CCNY: variants seen among roughly 807,000 people sequenced by gnomAD.
CCNY encodes cyclin Y.
Under a neutral mutation model 42.8 loss-of-function variants are expected in CCNY, and 19 were observed. That is an observed-to-expected ratio of 0.44 (90% CI 0.31 to 0.65). The LOEUF (loss-of-function observed/expected upper bound fraction) is 0.65. Among genes scored for constraint, CCNY ranks in the 30% least tolerant of loss-of-function variants. The probability of loss-of-function intolerance (pLI) is 0.07; values close to 1 mark genes in which losing one functional copy is unlikely to be tolerated. For missense variants in CCNY, 370 were observed against 437.3 expected (o/e 0.85, Z 1.37); for synonymous variants, 165 against 162.7 (o/e 1.01, Z -0.11).
At chr10:35,391,451 A>G (rs529482718) in intron 1 of CCNY, among the ~76,000 whole-genome samples, 37 of 152,300 alleles carry the variant, frequency 2.4e-4, no homozygotes, top group African/African-American at 8.2e-4. Flanking sequence ...GACAGAGCAG[A>G]TGACCAGGGG....
Position 35,384,551 on chromosome 10 carries a change from A to T in CCNY, c.154+47344A>T, listed in dbSNP as rs539422551. 5.3e-5 allele frequency among the ~76,000 whole-genome samples: 8 copies of T among 152,296 alleles called. No individual in the cohort carries two copies. In the South Asian group the frequency reaches 1.2e-3, roughly 24 times the overall value. On this transcript the variant is annotated intron_variant, in intron 1 of 9. Coordinates refer to ENST00000374704, the MANE Select transcript of CCNY (RefSeq NM_145012.6). ...TTTCAGCTTAATATTTCTCCTTTTGACATATTGAATTGGAGTCCCAAGTTT... is the reference window on the plus strand; with the variant it reads ...TTTCAGCTTAATATTTCTCCTTTTGTCATATTGAATTGGAGTCCCAAGTTT...
intron 1 of CCNY, among the ~76,000 whole-genome samples, chr10:35,378,972 A>G (rs1428095198): frequency 6.6e-6 from 1 of 152,038 alleles, no homozygotes; most frequent in Non-Finnish European, 1.5e-5. Context: ...GTCAAGGGAG[A>G]CATTGGTGGA....
intron 3 of CCNY, among the ~76,000 whole-genome samples, chr10:35,259,904 T>C (rs1008271572): frequency 1.3e-5 from 2 of 151,756 alleles, no homozygotes; most frequent in Non-Finnish European, 2.9e-5. Context: ...TTTTTTTTTT[T>C]TTAAAGGGAC....
chr10:35,444,705 G>A (rs550019131), intron 1 of CCNY, among the ~76,000 whole-genome samples: 2 of 152,328 alleles, frequency 1.3e-5, no homozygotes, highest in East Asian at 3.9e-4. Context: ...GCAGTCTGTT[G>A]ACCAAAACGT....
At chr10:35,559,003 A>G (rs746355887) in intron 8 of CCNY, among the ~76,000 whole-genome samples, 5 of 152,204 alleles carry the variant, frequency 3.3e-5, no homozygotes, top group Non-Finnish European at 5.9e-5. Context: ...TTTGAGGTGC[A>G]TATTAGAAAA....
intron 1 of CCNY, among the ~76,000 whole-genome samples, chr10:35,377,117 G>A (rs552516440): frequency 6.6e-5 from 10 of 152,240 alleles, no homozygotes; most frequent in Admixed American, 5.9e-4. Context: ...AATTCCTATC[G>A]CTGAGTGTTG....
chr10:35,483,004 T>C (rs775997625), intron 1 of CCNY, among the ~76,000 whole-genome samples: 6 of 152,172 alleles, frequency 3.9e-5, no homozygotes, highest in Non-Finnish European at 7.3e-5. Flanking sequence ...AGTTGAGATA[T>C]TCCTATTTTA....
chr10:35,385,504 A>G (rs1837283637), intron 1 of CCNY, among the ~76,000 whole-genome samples: 1 of 152,202 alleles, frequency 6.6e-6, no homozygotes, highest in African/African-American at 2.4e-5. Context: ...TTGAGGCATA[A>G]TATCATTTGG....
chr10:35,258,485 C>G (rs1475317950), intron 3 of CCNY, among the ~76,000 whole-genome samples: 1 of 152,190 alleles, frequency 6.6e-6, no homozygotes. Flanking sequence ...GGAGGAGGGT[C>G]TTGCCACAAT....
rs1489338701 is a variant in CCNY at position 35,455,283 on chromosome 10, A to C, written c.155-28121A>C. The C allele has an allele frequency of 2.0e-5, 3 of 152,296 alleles. 1 individual carries two copies. Among genetic ancestry groups the C allele is most frequent in the South Asian group, 4.1e-4 (2 of 4,820 alleles). The allele number at this position is 152,296 out of a possible 1,614,324, so 9.4% of individuals were successfully genotyped here. ...GAAAAAAATGCTGCCTTTAAAATCAAATTTTACCAAACTTGGCAGATTACA... is the reference window on the plus strand; with the variant it reads ...GAAAAAAATGCTGCCTTTAAAATCACATTTTACCAAACTTGGCAGATTACA... On this transcript the variant is annotated intron_variant, in intron 1 of 9. Coordinates refer to ENST00000374704, the MANE Select transcript of CCNY (RefSeq NM_145012.6).
At chr10:35,441,117 G>A (rs1375676091) in intron 1 of CCNY, among the ~76,000 whole-genome samples, 1 of 152,204 alleles carries the variant, frequency 6.6e-6, no homozygotes, top group Non-Finnish European at 1.5e-5. Context: ...CTAGAATGGG[G>A]CCCCATGTGG....
chr10:35,389,307 A>G (rs1006851335), intron 1 of CCNY, among the ~76,000 whole-genome samples: 4 of 152,048 alleles, frequency 2.6e-5, no homozygotes, highest in Non-Finnish European at 5.9e-5. Context: ...TGTTCGTTTC[A>G]TCTTTGAATC....
intron 3 of CCNY, among the ~76,000 whole-genome samples, chr10:35,281,533 A>C (rs1004337964): frequency 6.6e-6 from 1 of 151,946 alleles, no homozygotes; most frequent in African/African-American, 2.4e-5. Flanking sequence ...TGAACTCCTG[A>C]CCTCATGATC....
intron 1 of CCNY, among the ~76,000 whole-genome samples, chr10:35,397,023 A>G (rs574718833): frequency 6.6e-6 from 1 of 152,326 alleles, no homozygotes; most frequent in Non-Finnish European, 1.5e-5. Flanking sequence ...GCAGGTTCTT[A>G]GCACTGCTCA....
intron 1 of CCNY, among the ~76,000 whole-genome samples, chr10:35,396,826 G>A (rs1189259352): frequency 6.6e-6 from 1 of 152,232 alleles, no homozygotes; most frequent in African/African-American, 2.4e-5. Context: ...CCCAAGGCAG[G>A]ATCTGGAGGC....
At chr10:35,370,898 G>A (rs1051613642) in intron 1 of CCNY, among the ~76,000 whole-genome samples, 1 of 151,772 alleles carries the variant, frequency 6.6e-6, no homozygotes, top group African/African-American at 2.4e-5. Flanking sequence ...TGTATTTTTA[G>A]TAGAGACAGG....
At chr10:35,347,452 C>G in intron 1 of CCNY, 1 of 982,564 alleles carries the variant, frequency 1.0e-6, no homozygotes, top group Non-Finnish European at 1.2e-6. Context: ...AGGAAATACT[C>G]TGCATGGGAG....
rs1035994646 is a variant in CCNY at position 35,569,269 on chromosome 10, TTTC to T, written c.*102_*104del. Reference sequence around the variant, plus strand: ...GGTTTGTTTTTGTTTTTTCTTTCCTTTTCTTTTTTTACGCATAGCTCCGTCAAG... The same window carrying T: ...GGTTTGTTTTTGTTTTTTCTTTCCTTTTTTTTTACGCATAGCTCCGTCAAG... On this transcript the variant is annotated 3_prime_UTR_variant, in exon 10 of 10. Coordinates refer to ENST00000374704, the MANE Select transcript of CCNY (RefSeq NM_145012.6). 3.8e-6 allele frequency: 3 copies of T among 784,482 alleles called. No homozygotes were observed. Among genetic ancestry groups the T allele is most frequent in the Non-Finnish European group, 6.5e-6 (3 of 461,104 alleles). 48.6% of individuals were successfully genotyped at this position (784,482 alleles called of 1,614,324 possible).
chr10:35,411,015 G>A (rs1052289183), intron 1 of CCNY, among the ~76,000 whole-genome samples: 10 of 152,174 alleles, frequency 6.6e-5, no homozygotes, highest in African/African-American at 2.4e-4. Flanking sequence ...ATTAAACAGT[G>A]TACAACTTCG....
Sources: gnomAD v4.1 joint callset for allele counts (sites outside exome capture counted in the v4.1 genomes callset) on GRCh38, gnomAD v4.1.1 for gene constraint, MANE v1.5 for transcripts, NCBI Gene and HGNC (gene_info 2026-07-23, HGNC 2026-07-21) for gene names.